Variants in TBC1D5 observed in about 807,000 individuals in gnomAD.
TBC1D5 encodes TBC1 domain family member 5.
TBC1D5 carries 75 observed loss-of-function variants against 100.3 expected under a neutral mutation model. That is an observed-to-expected ratio of 0.75 (90% CI 0.62 to 0.91). The LOEUF is 0.91. TBC1D5 is among the 40% of genes least tolerant of loss of function. The pLI, the probability that TBC1D5 is intolerant of heterozygous loss-of-function variation, is 0.00. For missense variants in TBC1D5, 910 were observed against 942.4 expected (o/e 0.97, Z 0.45); for synonymous variants, 323 against 325.6 (o/e 0.99, Z 0.09).
chr3:17,255,105 G>A (rs892650197), intron 16 of TBC1D5, among the ~76,000 whole-genome samples: 9 of 152,218 alleles, frequency 5.9e-5, no homozygotes, highest in African/African-American at 2.2e-4. Flanking sequence ...AATGAGTATA[G>A]AGAAGAAAAG....
At chr3:17,700,000 C>T (rs900042920) in intron 1 of TBC1D5, 2 of 152,102 alleles carry the variant, frequency 1.3e-5, no homozygotes, top group Non-Finnish European at 2.9e-5. Flanking sequence ...CCTTCCTTGT[C>T]CACTTATGGT....
chr3:17,348,556 A>G (rs1268700152), intron 13 of TBC1D5, among the ~76,000 whole-genome samples: 2 of 152,280 alleles, frequency 1.3e-5, no homozygotes, highest in African/African-American at 4.8e-5. Flanking sequence ...TTTACCTCTC[A>G]TACAATTCTT....
chr3:17,467,762 T>G (rs139588914), intron 3 of TBC1D5, among the ~76,000 whole-genome samples: 3,108 of 152,056 alleles, frequency 0.02, 92 homozygotes, highest in African/African-American at 0.07. Flanking sequence ...CCAGGCATGG[T>G]GGCATACATT....
rs73042811 is a variant in TBC1D5 at position 17,437,062 on chromosome 3, T to G, written c.98-8543A>C. Among the ~76,000 whole-genome samples, 444 of 152,290 alleles carry G rather than the reference T, an allele frequency of 2.9e-3. 2 individuals carry two copies. Among genetic ancestry groups the G allele is most frequent in the Non-Finnish European group, 3.4e-3 (229 of 68,016 alleles). On this transcript the variant is annotated intron_variant, in intron 3 of 21. Coordinates refer to ENST00000253692, the Ensembl canonical transcript of TBC1D5. ...GGAGAGCTCTACACTTATGAATTAA[T>G]TAATGTTGGTTATAAAATAGCTTAA... is the stretch of plus-strand genomic sequence containing the variant.
At chr3:17,511,183 A>G (rs1227749459) in intron 2 of TBC1D5, among the ~76,000 whole-genome samples, 1 of 152,080 alleles carries the variant, frequency 6.6e-6, no homozygotes, top group Non-Finnish European at 1.5e-5. Context: ...TAAAAGAAAA[A>G]TACTGAGTAG....
intron 13 of TBC1D5, among the ~76,000 whole-genome samples, chr3:17,352,029 A>C (rs115449764): frequency 0.022 from 3,382 of 151,736 alleles, 123 homozygotes; most frequent in African/African-American, 0.076. Context: ...CACACACACA[A>C]AAAACCCTAA....
intron 3 of TBC1D5, among the ~76,000 whole-genome samples, chr3:17,472,074 T>C (rs909924501): frequency 2.0e-5 from 3 of 152,060 alleles, no homozygotes; most frequent in Admixed American, 6.5e-5. Flanking sequence ...TTTAGAAGAA[T>C]AGTAAAATTC....
chr3:17,446,770 G>A (rs967697155), intron 3 of TBC1D5, among the ~76,000 whole-genome samples: 2 of 152,186 alleles, frequency 1.3e-5, no homozygotes, highest in Non-Finnish European at 1.5e-5. Context: ...AGGAGATTGA[G>A]ACCATCCTGG....
chr3:17,464,386 T>C (rs2095267911), intron 3 of TBC1D5, among the ~76,000 whole-genome samples: 2 of 152,210 alleles, frequency 1.3e-5, no homozygotes, highest in Admixed American at 6.5e-5. Context: ...TATTGTGTTT[T>C]TCTACTATCT....
Position 17,384,035 on chromosome 3 carries a change from G to T in TBC1D5, c.510-20C>A. The stretch of plus-strand genomic sequence containing the variant: ...GGAAACCTGGAAAAAGAAAATACAA[G>T]ATTGAAACTGACTAACACAGTTTCA... On this transcript the variant is annotated intron_variant, in intron 8 of 21. Coordinates refer to ENST00000253692, the Ensembl canonical transcript of TBC1D5. 1 of 1,577,288 alleles carries T rather than the reference G, an allele frequency of 6.3e-7. No individual in the cohort carries two copies. Among genetic ancestry groups the T allele is most frequent in the Non-Finnish European group, 8.7e-7 (1 of 1,152,356 alleles).
intron 2 of TBC1D5, among the ~76,000 whole-genome samples, chr3:17,587,509 T>TA (rs1560219199): frequency 6.6e-6 from 1 of 152,018 alleles, no homozygotes; most frequent in African/African-American, 2.4e-5. Context: ...CACATGCTAC[T>TA]AAAATCGAGT....
At chr3:17,213,974 G>C (rs921527493) in intron 18 of TBC1D5, among the ~76,000 whole-genome samples, 2 of 142,788 alleles carry the variant, frequency 1.4e-5, no homozygotes, top group Non-Finnish European at 3.0e-5. Flanking sequence ...ATTTGGGAAA[G>C]ATTCAACTTA....
chr3:17,351,824 AAG>A (rs1491393402), intron 13 of TBC1D5, among the ~76,000 whole-genome samples: 13,767 of 125,846 alleles, frequency 0.11, 1,429 homozygotes, highest in African/African-American at 0.31. Flanking sequence ...AAAAAAAAAA[AAG>A]AGATTCCCTA....
intron 18 of TBC1D5, among the ~76,000 whole-genome samples, chr3:17,204,000 C>T (rs1396232421): frequency 6.6e-6 from 1 of 152,210 alleles, no homozygotes; most frequent in Non-Finnish European, 1.5e-5. Context: ...CTGCCTGATA[C>T]AGATCCCCCC....
chr3:17,608,435 G>A (rs906595707), intron 2 of TBC1D5, among the ~76,000 whole-genome samples: 1 of 152,166 alleles, frequency 6.6e-6, no homozygotes, highest in Non-Finnish European at 1.5e-5. Flanking sequence ...GGATACCCAA[G>A]AGGATCTATA....
chr3:17,713,649 A>C (rs1324154946), intron 1 of TBC1D5, among the ~76,000 whole-genome samples: 2 of 152,162 alleles, frequency 1.3e-5, no homozygotes, highest in African/African-American at 2.4e-5. Flanking sequence ...TGAGACTTGT[A>C]TCTAGAATAT....
intron 1 of TBC1D5, among the ~76,000 whole-genome samples, chr3:17,703,422 T>G (rs1285178282): frequency 1.3e-5 from 2 of 152,132 alleles, no homozygotes; most frequent in South Asian, 4.1e-4. Context: ...AGGCAAATTT[T>G]TAAGATATAT....
chr3:17,648,494 TA>T (rs1430844693), intron 1 of TBC1D5, among the ~76,000 whole-genome samples: 1 of 152,082 alleles, frequency 6.6e-6, no homozygotes. Context: ...TTATTAAACT[TA>T]AAAGCTTCTG....
chr3:17,176,699 A>C (rs1326810786), intron 19 of TBC1D5, among the ~76,000 whole-genome samples: 1 of 152,042 alleles, frequency 6.6e-6, no homozygotes, highest in Non-Finnish European at 1.5e-5. Flanking sequence ...TACCTAATGT[A>C]GATGATGGGT....
Sources: gnomAD v4.1 joint callset for allele counts (sites outside exome capture counted in the v4.1 genomes callset) on GRCh38, gnomAD v4.1.1 for gene constraint, MANE v1.5 for transcripts, NCBI Gene and HGNC (gene_info 2026-07-23, HGNC 2026-07-21) for gene names.